Variants in CDH20 observed in about 807,000 individuals in gnomAD.
CDH20 encodes cadherin-20.
CDH20 carries 29 observed loss-of-function variants against 74.2 expected under a neutral mutation model. That is an observed-to-expected ratio of 0.39 (90% CI 0.29 to 0.53). The LOEUF is 0.53. CDH20 is among the 20% of genes least tolerant of loss of function. The pLI, the probability that CDH20 is intolerant of heterozygous loss-of-function variation, is 0.69. For missense variants in CDH20, 988 were observed against 1,048.3 expected, an observed-to-expected ratio of 0.94 and a Z score of 0.79; for synonymous variants, 469 against 405.4, an observed-to-expected ratio of 1.16 and a Z score of -1.88.
chr18:61,420,852 G>A (rs898961796), intron 1 of CDH20, among the ~76,000 whole-genome samples: 1 of 152,204 alleles, frequency 6.6e-6, no homozygotes, highest in East Asian at 1.9e-4. Flanking sequence ...TCAGGAGTTC[G>A]AGGCTAGCCT....
intron 1 of CDH20, among the ~76,000 whole-genome samples, chr18:61,450,033 C>G (rs561344442): frequency 6.6e-6 from 1 of 151,938 alleles, no homozygotes; most frequent in Non-Finnish European, 1.5e-5. Context: ...ACGCAATCCC[C>G]GCAACAAATC....
At chr18:61,547,232 G>A (rs1913281024) in intron 10 of CDH20, among the ~76,000 whole-genome samples, 1 of 152,054 alleles carries the variant, frequency 6.6e-6, no homozygotes, top group Non-Finnish European at 1.5e-5. Context: ...GGAGGCTAAG[G>A]TGGGAGGATC....
At chr18:61,449,211 T>C (rs145624244) in intron 1 of CDH20, among the ~76,000 whole-genome samples, 143 of 152,278 alleles carry the variant, frequency 9.4e-4, no homozygotes, top group Non-Finnish European at 1.1e-3. Context: ...AAAATTAATG[T>C]CTTGTCCACA....
At position 61,394,009 on chromosome 18, in the gene CDH20, T is replaced by C. The variant is rs1020727863; in HGVS notation, c.-153+60182T>C. On this transcript the variant is annotated intron_variant, in intron 1 of 11. Transcript: ENST00000262717. ...TTTTTTAATTTATGTAATAATCTGA[T>C]GGCGTCTCACTTACAGCATTAATCA... Among the ~76,000 whole-genome samples, 35 of 152,318 alleles carry C rather than the reference T, an allele frequency of 2.3e-4. 1 individual carries two copies. Among genetic ancestry groups the C allele is most frequent in the Middle Eastern group, 3.4e-3 (1 of 294 alleles).
At chr18:61,405,237 C>A in intron 1 of CDH20, 1 of 377,352 alleles carries the variant, frequency 2.7e-6, no homozygotes. Flanking sequence ...TGGCCCCCAA[C>A]CAGGAGCTGC....
At chr18:61,435,598 A>T (rs892366352) in intron 1 of CDH20, among the ~76,000 whole-genome samples, 1 of 152,130 alleles carries the variant, frequency 6.6e-6, no homozygotes, top group African/African-American at 2.4e-5. Context: ...GGATGCCATT[A>T]TCCCAGAAAG....
rs563262731 is a variant in CDH20 at position 61,340,616 on chromosome 18, T to C, written c.-153+6789T>C. Among the ~76,000 whole-genome samples, 4 of 152,310 alleles carry C rather than the reference T, an allele frequency of 2.6e-5. No individual in the cohort carries two copies. In the East Asian group the frequency reaches 7.7e-4, roughly 29 times the overall value. On this transcript the variant is annotated intron_variant, in intron 1 of 11. Coordinates refer to ENST00000262717, the MANE Select transcript of CDH20 (RefSeq NM_031891.4). ...TATTATACATATATTTATACAAATC[T>C]TTGGTCAAAGCTATTAATACAAAAT...
intron 1 of CDH20, among the ~76,000 whole-genome samples, chr18:61,403,169 A>C (rs1435482963): frequency 6.6e-6 from 1 of 152,164 alleles, no homozygotes; most frequent in African/African-American, 2.4e-5. Context: ...AAAGGGAAAC[A>C]ATTATGAACT....
intron 1 of CDH20, among the ~76,000 whole-genome samples, chr18:61,365,894 G>T (rs929081213): frequency 3.3e-5 from 5 of 152,086 alleles, no homozygotes; most frequent in African/African-American, 9.7e-5. Context: ...ACCTTTGAGG[G>T]TGTAGGTGTT....
At chr18:61,380,722 T>C (rs1363665581) in intron 1 of CDH20, among the ~76,000 whole-genome samples, 2 of 152,124 alleles carry the variant, frequency 1.3e-5, no homozygotes, top group African/African-American at 2.4e-5. Context: ...GGCAGGAGAA[T>C]CGCTTGAACC....
chr18:61,411,580 GTA>G (rs145701176), intron 1 of CDH20, among the ~76,000 whole-genome samples: 307 of 149,784 alleles, frequency 2.0e-3, no homozygotes, highest in African/African-American at 7.1e-3. Context: ...GTGTGTGTGT[GTA>G]TATATATATA....
chr18:61,399,937 T>C (rs1308321912), intron 1 of CDH20, among the ~76,000 whole-genome samples: 5 of 152,254 alleles, frequency 3.3e-5, no homozygotes, highest in Non-Finnish European at 2.9e-5. Flanking sequence ...GAATTGTATT[T>C]CCCCCTTTCA....
chr18:61,511,378 C>G (rs1911779074), intron 6 of CDH20, among the ~76,000 whole-genome samples: 1 of 151,884 alleles, frequency 6.6e-6, no homozygotes, highest in Non-Finnish European at 1.5e-5. Flanking sequence ...GAGACAAGGT[C>G]ACCCTATGTT....
At chr18:61,482,851 G>C (rs1910635337) in intron 1 of CDH20, among the ~76,000 whole-genome samples, 1 of 152,072 alleles carries the variant, frequency 6.6e-6, no homozygotes, top group African/African-American at 2.4e-5. Context: ...GAACTATGGA[G>C]TATATTCCAA....
intron 2 of CDH20, among the ~76,000 whole-genome samples, chr18:61,493,098 G>C (rs140508629): frequency 6.6e-6 from 1 of 152,144 alleles, no homozygotes; most frequent in Non-Finnish European, 1.5e-5. Flanking sequence ...GGAACTCAAC[G>C]CTCAGTAATA....
chr18:61,395,787 C>T (rs927625516), intron 1 of CDH20, among the ~76,000 whole-genome samples: 2 of 152,170 alleles, frequency 1.3e-5, no homozygotes, highest in Non-Finnish European at 2.9e-5. Context: ...ATAATCCCAG[C>T]ACTTTCGGAG....
intron 2 of CDH20, among the ~76,000 whole-genome samples, chr18:61,492,180 C>T (rs982030045): frequency 6.6e-6 from 1 of 152,060 alleles, no homozygotes; most frequent in Non-Finnish European, 1.5e-5. Context: ...CGTAGTCTGC[C>T]CCAACACCCA....
chr18:61,378,543 T>C (rs1001840923), intron 1 of CDH20, among the ~76,000 whole-genome samples: 1 of 152,174 alleles, frequency 6.6e-6, no homozygotes, highest in East Asian at 1.9e-4. Flanking sequence ...TTTAATCTCA[T>C]CCAGAAACAT....
At chr18:61,532,091 C>T (rs1912664849) in intron 7 of CDH20, among the ~76,000 whole-genome samples, 1 of 152,178 alleles carries the variant, frequency 6.6e-6, no homozygotes, top group African/African-American at 2.4e-5. Flanking sequence ...TGGCTGGGAG[C>T]AGAACCTGCA....
Sources: gnomAD v4.1 joint callset for allele counts (sites outside exome capture counted in the v4.1 genomes callset) on GRCh38, gnomAD v4.1.1 for gene constraint, MANE v1.5 for transcripts, NCBI Gene and HGNC (gene_info 2026-07-23, HGNC 2026-07-21) for gene names.